Variants in SMC1B observed in about 807,000 individuals in gnomAD.
The protein encoded by SMC1B is structural maintenance of chromosomes 1B.
A neutral mutation model predicts 157.9 loss-of-function variants in SMC1B; 60 were observed. That is an observed-to-expected ratio of 0.38 (90% CI 0.31 to 0.47). The LOEUF is 0.47. Ranked by LOEUF, SMC1B falls within the 20% of genes least tolerant of loss-of-function variation. The probability of loss-of-function intolerance (pLI) is 0.99; values close to 1 mark genes in which losing one functional copy is unlikely to be tolerated. For synonymous variants in SMC1B, 445 were observed against 483.0 expected (o/e 0.92, Z 1.03); for missense variants, 1,165 against 1,426.2 (o/e 0.82, Z 2.95).
At chr22:45,350,925 T>G (rs1179411859) in intron 22 of SMC1B, among the ~76,000 whole-genome samples, 1 of 152,222 alleles carries the variant, frequency 6.6e-6, no homozygotes, top group East Asian at 1.9e-4. Context: ...CTGCATACAG[T>G]CTATTCTCCA....
rs775791103 is a variant in SMC1B at position 45,365,297 on chromosome 22, C to G, written c.2421-2271G>C. Among the ~76,000 whole-genome samples the G allele has an allele frequency of 3.7e-4, 57 of 152,160 alleles. 2 individuals carry two copies. Among genetic ancestry groups the G allele is most frequent in the Non-Finnish European group, 1.5e-5 (1 of 68,036 alleles). On this transcript the variant is annotated intron_variant, in intron 15 of 24. Coordinates refer to ENST00000357450, the MANE Select transcript of SMC1B (RefSeq NM_148674.5). ...TGTGTATTCAGCTACCCATTCTATA[C>G]CTCTAACTGGATATCACAGACATCA...
In SMC1B at chr22:45,354,151, T is replaced by C; in HGVS notation, c.3119-19A>G. 6.6e-7 allele frequency: 1 copy of C among 1,519,756 alleles called. No homozygotes were observed. The highest frequency in any genetic ancestry group is 8.8e-7 in the Non-Finnish European group (1 of 1,141,014). The allele number at this position is 1,519,756 out of a possible 1,614,324, so 94.1% of individuals were successfully genotyped here. On this transcript the variant is annotated intron_variant, in intron 20 of 24. Transcript: ENST00000357450. ...TCAAAAGCTAAGAGAGAATCAATGTTCTTTATTTTAGAGACCACTGAGGAG... is the reference window on the plus strand; with the variant it reads ...TCAAAAGCTAAGAGAGAATCAATGTCCTTTATTTTAGAGACCACTGAGGAG...
chr22:45,361,458 A>AC lies in SMC1B; in HGVS notation c.2708+380_2708+381insG, dbSNP rs1418837847. Reference sequence around the variant, plus strand: ...TAAAACCCTGTCTCTACTAAAAGAGAAACACACACACACACACACTAGCTG... The same window carrying AC: ...TAAAACCCTGTCTCTACTAAAAGAGACAACACACACACACACACACTAGCTG... On this transcript the variant is annotated intron_variant, in intron 17 of 24. Coordinates refer to ENST00000357450, the MANE Select transcript of SMC1B (RefSeq NM_148674.5). 4.8e-5 allele frequency among the ~76,000 whole-genome samples: 6 copies of AC among 125,692 alleles called. 1 individual carries two copies. The highest frequency in any genetic ancestry group is 3.6e-3 in the Middle Eastern group (1 of 276). The allele number at this position is 125,692 out of a possible 152,430, so 82.5% of individuals were successfully genotyped here.
intron 12 of SMC1B, among the ~76,000 whole-genome samples, chr22:45,375,443 A>C (rs2086875406): frequency 6.6e-6 from 1 of 152,220 alleles, no homozygotes; most frequent in Admixed American, 6.5e-5. Context: ...TTGGCAAAAT[A>C]AACTTTCTAA....
intron 1 of SMC1B, among the ~76,000 whole-genome samples, chr22:45,411,815 C>T (rs1252777321): frequency 6.6e-6 from 1 of 152,024 alleles, no homozygotes; most frequent in Non-Finnish European, 1.5e-5. Context: ...GAACCCCTAC[C>T]TCCAGTGATC....
chr22:45,359,656 T>C (rs565724411), intron 18 of SMC1B, 149 bp downstream of exon 18: 4 of 716,422 alleles, frequency 5.6e-6, no homozygotes, highest in East Asian at 2.8e-5. Context: ...CCTAGTCCTC[T>C]GAGATGACAG....
intron 1 of SMC1B, 137 bp downstream of exon 1, chr22:45,413,322 C>A (rs915051439): frequency 1.6e-5 from 10 of 633,078 alleles, no homozygotes; most frequent in Non-Finnish European, 2.4e-5. Flanking sequence ...GGGATCCGGT[C>A]GCGGTCAGGC....
At chr22:45,374,100 T>G (rs1430027741) in intron 12 of SMC1B, among the ~76,000 whole-genome samples, 3 of 147,882 alleles carry the variant, frequency 2.0e-5, no homozygotes, top group African/African-American at 5.0e-5. Flanking sequence ...GTTTTTTTTT[T>G]TTTTTTTTTT....
intron 5 of SMC1B, among the ~76,000 whole-genome samples, chr22:45,401,877 A>G (rs1168140618): frequency 6.7e-6 from 1 of 149,326 alleles, no homozygotes; most frequent in African/African-American, 2.5e-5. Context: ...CTTCAGGACC[A>G]TTCTACACCA....
intron 22 of SMC1B, among the ~76,000 whole-genome samples, chr22:45,352,235 A>C (rs9614650): frequency 0.38 from 56,575 of 150,782 alleles, 13,090 homozygotes; most frequent in Non-Finnish European, 0.52. Context: ...AAAAAAAAAA[A>C]CCCCACTAAA....
intron 15 of SMC1B, among the ~76,000 whole-genome samples, chr22:45,368,492 T>C (rs559434043): frequency 4.6e-5 from 7 of 152,282 alleles, no homozygotes; most frequent in African/African-American, 1.7e-4. Context: ...AAGATGCATT[T>C]TTTCCTCTTC....
chr22:45,389,582 A>C, intron 10 of SMC1B, 130 bp downstream of exon 10: 1 of 716,806 alleles, frequency 1.4e-6, no homozygotes, highest in Non-Finnish European at 2.3e-6. Context: ...ACCAGCCATT[A>C]AAATGATTGC....
chr22:45,393,985 A>T, intron 8 of SMC1B, 144 bp from the exon 9 acceptor site: 1 of 619,542 alleles, frequency 1.6e-6, no homozygotes, highest in East Asian at 2.8e-5. Flanking sequence ...AATAAACCTG[A>T]CACCAAACAT....
At chr22:45,379,365 G>C (rs2086913120) in intron 12 of SMC1B, among the ~76,000 whole-genome samples, 1 of 152,098 alleles carries the variant, frequency 6.6e-6, no homozygotes, top group Non-Finnish European at 1.5e-5. Flanking sequence ...TCTTTTAATG[G>C]GAGACTTAAA....
intron 6 of SMC1B, 91 bp downstream of exon 6, chr22:45,399,004 T>C: frequency 1.6e-6 from 2 of 1,261,904 alleles, no homozygotes; most frequent in Non-Finnish European, 2.2e-6. Context: ...TCTCTTAAAA[T>C]ATCAGAGAGG....
chr22:45,389,627 A>G lies in SMC1B; in HGVS notation c.1731+85T>C. The G allele has an allele frequency of 1.4e-5, 17 of 1,217,998 alleles. No individual in the cohort carries two copies. The South Asian group carries it at 2.6e-4, about 19-fold the overall frequency. The allele number at this position is 1,217,998 out of a possible 1,614,324, so 75.4% of individuals were successfully genotyped here. On this transcript the variant is annotated intron_variant, in intron 10 of 24. Coordinates refer to ENST00000357450, the MANE Select transcript of SMC1B (RefSeq NM_148674.5). ...ATCCAAGCTACAATTTTTCTCTATC[A>G]CTATCATAGTTTTAGGCAATAAGAT...
At chr22:45,409,416 A>G (rs2087302516) in intron 1 of SMC1B, among the ~76,000 whole-genome samples, 1 of 151,958 alleles carries the variant, frequency 6.6e-6, no homozygotes, top group Non-Finnish European at 1.5e-5. Context: ...AATATAAAAA[A>G]TAGCCGAGCT....
At chr22:45,375,797 T>A (rs577802226) in intron 12 of SMC1B, among the ~76,000 whole-genome samples, 25 of 152,324 alleles carry the variant, frequency 1.6e-4, no homozygotes, top group Admixed American at 3.3e-4. Context: ...TCTAGTCAGA[T>A]GTATTATTTT....
chr22:45,373,822 A>AT lies in SMC1B; in HGVS notation c.2059-1531dup, dbSNP rs1274061652. Reference sequence around the variant, plus strand: ...TAAATAATCTAGGTAAATGATTAAAATAATTAGGCAAATGTGATGGGATAA... The same window carrying AT: ...TAAATAATCTAGGTAAATGATTAAAATTAATTAGGCAAATGTGATGGGATAA... On this transcript the variant is annotated intron_variant, in intron 12 of 24. Coordinates refer to ENST00000357450, the MANE Select transcript of SMC1B (RefSeq NM_148674.5). Among the ~76,000 whole-genome samples the AT allele has an allele frequency of 4.6e-5, 7 of 152,338 alleles. No homozygotes were observed. In the South Asian group the frequency reaches 8.3e-4, roughly 18 times the overall value.
Sources: allele counts gnomAD v4.1 joint callset (sites outside exome capture counted in the v4.1 genomes callset), GRCh38; gene constraint gnomAD v4.1.1; transcripts MANE v1.5; gene names NCBI Gene and HGNC (gene_info 2026-07-23, HGNC 2026-07-21).